Variants in TNKS observed in about 807,000 individuals in gnomAD.
TNKS encodes poly [ADP-ribose] polymerase tankyrase-1.
A neutral mutation model predicts 135.8 loss-of-function variants in TNKS; 72 were observed. The ratio of observed to expected loss-of-function variants is 0.53; its 90% CI spans 0.44 to 0.64. The LOEUF (loss-of-function observed/expected upper bound fraction) is 0.64. TNKS is among the 30% of genes least tolerant of loss of function. The pLI, the probability that TNKS is intolerant of heterozygous loss-of-function variation, is 0.00. For missense variants in TNKS, 1,769 were observed against 1,674.0 expected (o/e 1.06, Z -0.99); for synonymous variants, 849 against 649.3 (o/e 1.31, Z -4.68).
intron 3 of TNKS, among the ~76,000 whole-genome samples, chr8:9,626,022 A>G (rs955120810): frequency 1.3e-5 from 2 of 152,160 alleles, no homozygotes; most frequent in Admixed American, 6.5e-5. Context: ...CTATAATTGT[A>G]GATTTAATTA....
chr8:9,773,014 TG>T (rs1403405821), intron 26 of TNKS, among the ~76,000 whole-genome samples: 1 of 151,696 alleles, frequency 6.6e-6, no homozygotes, highest in Non-Finnish European at 1.5e-5. Context: ...GCAACTTACT[TG>T]TAAGTTGGTA....
At chr8:9,559,930 T>G (rs1797259474) in intron 1 of TNKS, among the ~76,000 whole-genome samples, 1 of 152,184 alleles carries the variant, frequency 6.6e-6, no homozygotes. Context: ...CTTGTTTCCA[T>G]TGTTGATACA....
intron 23 of TNKS, 50 bp downstream of exon 23, chr8:9,764,840 A>T (rs768225469): frequency 3.4e-6 from 5 of 1,462,536 alleles, no homozygotes; most frequent in Non-Finnish European, 4.6e-6. Flanking sequence ...GGCTTGCCTA[A>T]AAACCAAATC....
intron 1 of TNKS, chr8:9,575,181 G>A: frequency 1.5e-6 from 1 of 659,166 alleles, no homozygotes; most frequent in Non-Finnish European, 1.9e-6. Flanking sequence ...CCGCCTCCCG[G>A]GTTCACGCCA....
chr8:9,680,842 C>T (rs1317936510), intron 5 of TNKS, 42 bp downstream of exon 5: 4 of 1,532,858 alleles, frequency 2.6e-6, no homozygotes, highest in South Asian at 1.1e-5. Context: ...TGCAATGCTT[C>T]AAAATTTTGT....
At chr8:9,681,470 G>C (rs940207024) in intron 5 of TNKS, among the ~76,000 whole-genome samples, 7 of 151,946 alleles carry the variant, frequency 4.6e-5, no homozygotes, top group Non-Finnish European at 5.9e-5. Context: ...TTATGGCTTT[G>C]GTAATTGCAG....
chr8:9,775,907 G>T (rs1481522069), intron 26 of TNKS, among the ~76,000 whole-genome samples: 1 of 151,862 alleles, frequency 6.6e-6, no homozygotes, highest in Non-Finnish European at 1.5e-5. Flanking sequence ...TACTCACTAA[G>T]GGGTGTCCTA....
At chr8:9,768,715 C>A (rs999935030) in intron 25 of TNKS, among the ~76,000 whole-genome samples, 3 of 152,228 alleles carry the variant, frequency 2.0e-5, no homozygotes, top group Non-Finnish European at 2.9e-5. Flanking sequence ...CTAGCAGAAT[C>A]TAACGACAAC....
Position 9,778,286 on chromosome 8 carries a change from T to A in TNKS, c.*1550T>A, listed in dbSNP as rs1212737539. On this transcript the variant is annotated 3_prime_UTR_variant, in exon 27 of 27. Coordinates refer to ENST00000310430, the MANE Select transcript of TNKS (RefSeq NM_003747.3). ...AAAGAAATATAAACACGAGGAGGAA[T>A]AGGAAAGACAGTGTGACACAAACTT... is the stretch of plus-strand genomic sequence containing the variant. The A allele has an allele frequency of 6.6e-6, 1 of 152,262 alleles. No homozygotes were observed. Among genetic ancestry groups the A allele is most frequent in the African/African-American group, 2.4e-5 (1 of 41,426 alleles). 9.4% of individuals were successfully genotyped at this position (152,262 alleles called of 1,614,324 possible).
chr8:9,562,846 T>A (rs1281495792), intron 1 of TNKS, among the ~76,000 whole-genome samples: 2 of 150,220 alleles, frequency 1.3e-5, no homozygotes, highest in Admixed American at 1.3e-4. Context: ...GGGCAAAGGA[T>A]TTTTTTTTTC....
intron 3 of TNKS, among the ~76,000 whole-genome samples, chr8:9,674,385 T>G (rs1239022947): frequency 6.6e-6 from 1 of 152,146 alleles, no homozygotes; most frequent in African/African-American, 2.4e-5. Context: ...AATGAAGTAG[T>G]TGTTTGGTGT....
chr8:9,753,009 C>G (rs1351231813), intron 20 of TNKS, among the ~76,000 whole-genome samples: 4 of 151,864 alleles, frequency 2.6e-5, no homozygotes, highest in Non-Finnish European at 4.4e-5. Flanking sequence ...CCACCCACCT[C>G]TTCCTCTTTT....
At chr8:9,695,702 C>G (rs912110591) in intron 5 of TNKS, among the ~76,000 whole-genome samples, 12 of 152,074 alleles carry the variant, frequency 7.9e-5, no homozygotes, top group Admixed American at 7.2e-4. Context: ...CACTAGCCAG[C>G]TGAGAGAGGA....
At chr8:9,656,131 G>A (rs1801354271) in intron 3 of TNKS, among the ~76,000 whole-genome samples, 1 of 152,190 alleles carries the variant, frequency 6.6e-6, no homozygotes, top group African/African-American at 2.4e-5. Flanking sequence ...TCAACTGGAA[G>A]AAAGAGTATC....
chr8:9,649,397 T>G (rs1206534964), intron 3 of TNKS, among the ~76,000 whole-genome samples: 1 of 152,190 alleles, frequency 6.6e-6, no homozygotes, highest in Non-Finnish European at 1.5e-5. Context: ...ATCCAGGCTA[T>G]TTAATACACT....
chr8:9,562,816 T>A (rs951535270), intron 1 of TNKS, among the ~76,000 whole-genome samples: 2 of 148,714 alleles, frequency 1.3e-5, no homozygotes, highest in Non-Finnish European at 3.0e-5. Flanking sequence ...TCCCTTAGCC[T>A]TTTTTTTTTC....
chr8:9,723,259 A>G (rs1423302317), intron 12 of TNKS, among the ~76,000 whole-genome samples: 1 of 103,654 alleles, frequency 9.6e-6, no homozygotes, highest in Non-Finnish European at 2.2e-5. Context: ...ACTATGGACC[A>G]TGCATTAGCT....
At chr8:9,652,995 T>C (rs973306434) in intron 3 of TNKS, among the ~76,000 whole-genome samples, 3 of 152,180 alleles carry the variant, frequency 2.0e-5, no homozygotes, top group African/African-American at 7.2e-5. Context: ...TCACCAGTGA[T>C]TCCCTAGCCA....
chr8:9,638,652 G>C (rs1222019010), intron 3 of TNKS, among the ~76,000 whole-genome samples: 5 of 152,076 alleles, frequency 3.3e-5, no homozygotes, highest in African/African-American at 1.2e-4. Context: ...AAAATGATTA[G>C]GAAAAAGTTG....
Sources: gnomAD v4.1 joint callset for allele counts (sites outside exome capture counted in the v4.1 genomes callset) on GRCh38, gnomAD v4.1.1 for gene constraint, MANE v1.5 for transcripts, NCBI Gene and HGNC (gene_info 2026-07-23, HGNC 2026-07-21) for gene names.